The following FRMD6 variants were observed in gnomAD, a reference collection of about 807,000 sequenced individuals.
FRMD6 encodes the protein FERM domain containing 6.
In FRMD6, 37 loss-of-function variants were observed where a neutral mutation model predicts 73.2. That is an observed-to-expected ratio of 0.51 (90% CI 0.39 to 0.66). The LOEUF (loss-of-function observed/expected upper bound fraction) is 0.66, where lower values mean the gene tolerates loss of function less well. FRMD6 is among the 30% of genes least tolerant of loss of function. The pLI is 0.00. For synonymous variants in FRMD6, 273 were observed against 282.2 expected, an observed-to-expected ratio of 0.97 and a Z score of 0.33; for missense variants, 714 against 780.5, an observed-to-expected ratio of 0.91 and a Z score of 1.02.
intron 13 of FRMD6, among the ~76,000 whole-genome samples, chr14:51,726,828 C>T (rs1180042784): frequency 6.6e-6 from 1 of 152,124 alleles, no homozygotes; most frequent in African/African-American, 2.4e-5. Context: ...TGTGACACTT[C>T]CTAGTAAAAC....
intron 1 of FRMD6, among the ~76,000 whole-genome samples, chr14:51,516,426 G>A (rs925458989): frequency 2.6e-5 from 4 of 152,116 alleles, no homozygotes; most frequent in Non-Finnish European, 4.4e-5. Context: ...CATCAGACTC[G>A]GACAGTTAGC....
intron 1 of FRMD6, chr14:51,546,713 A>C (rs1055822833): frequency 6.6e-6 from 1 of 152,028 alleles, no homozygotes; most frequent in Non-Finnish European, 1.5e-5. Context: ...ATGGCAACTC[A>C]TGTATACATG....
At chr14:51,421,161 C>G in the FRMD6 span, among the ~76,000 whole-genome samples, 1 of 152,154 alleles carries the variant, frequency 6.6e-6, no homozygotes, top group South Asian at 2.1e-4. Context: ...TGAGGGACAA[C>G]TGTACTGTAT....
intron 9 of FRMD6, among the ~76,000 whole-genome samples, chr14:51,713,298 A>G (rs188252709): frequency 6.6e-6 from 1 of 152,188 alleles, no homozygotes; most frequent in Non-Finnish European, 1.5e-5. Flanking sequence ...TCTCTACTAA[A>G]AATACAAAAA....
intron 3 of FRMD6, among the ~76,000 whole-genome samples, chr14:51,698,799 G>A (rs1896109744): frequency 6.6e-6 from 1 of 151,936 alleles, no homozygotes; most frequent in African/African-American, 2.4e-5. Flanking sequence ...TTTAAGTAAA[G>A]GACTTCATAT....
intron 2 of FRMD6, among the ~76,000 whole-genome samples, chr14:51,580,456 CTTA>C (rs568821490): frequency 1.0e-3 from 157 of 152,148 alleles, no homozygotes; most frequent in Non-Finnish European, 1.8e-3. Context: ...GGTAGGAGCT[CTTA>C]TTATTCCTAT....
intron 1 of FRMD6, among the ~76,000 whole-genome samples, chr14:51,545,005 G>C (rs1238312794): frequency 6.6e-6 from 1 of 152,102 alleles, no homozygotes. Context: ...TTAATAGTAA[G>C]ATTAAGAAAC....
chr14:51,633,087 G>A (rs573690324), intron 2 of FRMD6, among the ~76,000 whole-genome samples: 12 of 152,044 alleles, frequency 7.9e-5, no homozygotes, highest in Non-Finnish European at 1.5e-4. Context: ...AATAGATGTA[G>A]CAAATAAAGC....
intron 1 of FRMD6, among the ~76,000 whole-genome samples, chr14:51,545,001 G>GT (rs1190027893): frequency 6.6e-6 from 1 of 152,082 alleles, no homozygotes; most frequent in African/African-American, 2.4e-5. Flanking sequence ...TGTATTAATA[G>GT]TAAGATTAAG....
intron 1 of FRMD6, among the ~76,000 whole-genome samples, chr14:51,495,787 G>A (rs1003599641): frequency 2.6e-5 from 4 of 152,220 alleles, no homozygotes; most frequent in Admixed American, 1.3e-4. Context: ...GGGACAAATT[G>A]AGAAGGAAAG....
chr14:51,492,381 A>G (rs781339614), intron 1 of FRMD6, among the ~76,000 whole-genome samples: 1 of 152,136 alleles, frequency 6.6e-6, no homozygotes, highest in Non-Finnish European at 1.5e-5. Context: ...GTGTGTATCT[A>G]TAGGCAAATC....
At chr14:51,481,357 A>C in the FRMD6 span, among the ~76,000 whole-genome samples, 2 of 152,222 alleles carry the variant, frequency 1.3e-5, no homozygotes, top group Non-Finnish European at 1.5e-5. Context: ...CAGACAAAAG[A>C]AGATGAGAGC....
At chr14:51,705,816 C>G (rs1896593108) in intron 6 of FRMD6, among the ~76,000 whole-genome samples, 2 of 152,068 alleles carry the variant, frequency 1.3e-5, no homozygotes, top group Admixed American at 1.3e-4. Flanking sequence ...ATATGCACTA[C>G]TTTTGCTTTA....
intron 2 of FRMD6, among the ~76,000 whole-genome samples, chr14:51,595,205 A>G (rs1277875580): frequency 6.6e-6 from 1 of 152,238 alleles, no homozygotes; most frequent in Non-Finnish European, 1.5e-5. Flanking sequence ...AAGCTGCATC[A>G]GTCCCCTAAC....
chr14:51,453,684 CAT>C, the FRMD6 span, among the ~76,000 whole-genome samples: 1 of 152,142 alleles, frequency 6.6e-6, no homozygotes, highest in African/African-American at 2.4e-5. Flanking sequence ...TACATACACG[CAT>C]ATGTGTGCAC....
At chr14:51,517,498 T>A (rs1156981155) in intron 1 of FRMD6, among the ~76,000 whole-genome samples, 1 of 152,148 alleles carries the variant, frequency 6.6e-6, no homozygotes, top group Non-Finnish European at 1.5e-5. Context: ...ATGTAGGTGT[T>A]TGAGTAAGAT....
intron 1 of FRMD6, among the ~76,000 whole-genome samples, chr14:51,655,750 G>A (rs554403945): frequency 6.6e-6 from 1 of 152,300 alleles, no homozygotes; most frequent in Non-Finnish European, 1.5e-5. Context: ...GGATCAGAAT[G>A]ATTAGAATCA....
the FRMD6 span, among the ~76,000 whole-genome samples, chr14:51,412,249 A>AT: frequency 6.6e-6 from 1 of 152,004 alleles, no homozygotes; most frequent in Non-Finnish European, 1.5e-5. Flanking sequence ...TCTGCATTAC[A>AT]TTTTTTGTTC....
chr14:51,649,617 A>G (rs1892241658), upstream of FRMD6: 1 of 152,258 alleles, frequency 6.6e-6, no homozygotes. Flanking sequence ...GACCTTACCA[A>G]GTAGTATACA....
Sources: gnomAD v4.1 joint callset for allele counts (sites outside exome capture counted in the v4.1 genomes callset) on GRCh38, gnomAD v4.1.1 for gene constraint, MANE v1.5 for transcripts, NCBI Gene and HGNC (gene_info 2026-07-23, HGNC 2026-07-21) for gene names.